GRM3: variants seen among roughly 807,000 people sequenced by gnomAD.
GRM3 encodes the protein metabotropic glutamate receptor 3.
In GRM3, 26 loss-of-function variants were observed where a neutral mutation model predicts 70.5. The ratio of observed to expected loss-of-function variants is 0.37; its 90% CI spans 0.27 to 0.51. The LOEUF is 0.51. Ranked by LOEUF, GRM3 falls within the 20% of genes least tolerant of loss-of-function variation. The pLI is 0.93. For missense variants in GRM3, 859 were observed against 1,123.8 expected, an observed-to-expected ratio of 0.76 and a Z score of 3.37; for synonymous variants, 443 against 434.9, an observed-to-expected ratio of 1.02 and a Z score of -0.23.
At chr7:86,722,574 G>T (rs1181413480) in intron 1 of GRM3, among the ~76,000 whole-genome samples, 1 of 138,952 alleles carries the variant, frequency 7.2e-6, no homozygotes, top group African/African-American at 2.6e-5. Context: ...GACATGGAAG[G>T]CAGGGGGGCA....
rs774266273 is a variant in GRM3, at chr7:86,765,162, G to A, written c.17G>A (p.Arg6Lys). The A allele has an allele frequency of 1.9e-6, 3 of 1,582,862 alleles. No homozygotes were observed. The highest frequency in any genetic ancestry group is 1.4e-5 in the African/African-American group (1 of 73,092). MKMLT[R>K]LQVLTLALFS... is the part of the protein sequence containing the mutation. ...ACAGGATTCATGAAGATGTTGACAA[G>A]ACTGCAAGTTCTTACCTTAGCTTTG... Residue 6 changes from arginine to lysine, a missense_variant, in exon 2 of 6, where the codon AGA (arginine) becomes AAA (lysine). Coordinates refer to ENST00000361669, the MANE Select transcript of GRM3 (RefSeq NM_000840.3).
At chr7:86,753,377 G>A (rs544711003) in intron 1 of GRM3, among the ~76,000 whole-genome samples, 1 of 152,274 alleles carries the variant, frequency 6.6e-6, no homozygotes, top group East Asian at 1.9e-4. Flanking sequence ...CTGACATCAT[G>A]AAGTAGATTC....
chr7:86,714,282 A>G (rs892958958), intron 1 of GRM3, among the ~76,000 whole-genome samples: 1 of 152,018 alleles, frequency 6.6e-6, no homozygotes, highest in Admixed American at 6.6e-5. Context: ...TGATGTAACT[A>G]TACACTTTTT....
At chr7:86,788,964 C>A (rs1025369913) in intron 3 of GRM3, among the ~76,000 whole-genome samples, 5 of 152,122 alleles carry the variant, frequency 3.3e-5, no homozygotes, top group South Asian at 4.1e-4. Context: ...TTTATGGAAC[C>A]AAAACATGTT....
chr7:86,746,544 T>C (rs1469310548), intron 1 of GRM3, among the ~76,000 whole-genome samples: 1 of 151,520 alleles, frequency 6.6e-6, no homozygotes, highest in Non-Finnish European at 1.5e-5. Context: ...TCAACACCTT[T>C]ATTCTACAAA....
intron 3 of GRM3, among the ~76,000 whole-genome samples, chr7:86,820,824 A>G (rs973679679): frequency 6.6e-6 from 1 of 152,180 alleles, no homozygotes; most frequent in African/African-American, 2.4e-5. Flanking sequence ...GCTTCTTGAG[A>G]CTGGCAACAA....
At chr7:86,711,108 C>A (rs1044352976) in intron 1 of GRM3, among the ~76,000 whole-genome samples, 2 of 151,856 alleles carry the variant, frequency 1.3e-5, no homozygotes, top group Non-Finnish European at 2.9e-5. Context: ...AAAGTAGGGA[C>A]CATAATAAAA....
chr7:86,731,293 G>T (rs1046513971), intron 1 of GRM3, among the ~76,000 whole-genome samples: 1 of 151,964 alleles, frequency 6.6e-6, no homozygotes, highest in East Asian at 1.9e-4. Context: ...TAGTCACCTG[G>T]GTTTAAATCC....
At chr7:86,793,016 CTTTTTTTTT>C (rs140134217) in intron 3 of GRM3, among the ~76,000 whole-genome samples, 1 of 94,362 alleles carries the variant, frequency 1.1e-5, no homozygotes, top group African/African-American at 4.5e-5. Context: ...GGTTGGTTGC[CTTTTTTTTT>C]TTTTTTTTTT....
At chr7:86,690,584 T>C (rs1272845497) in intron 1 of GRM3, among the ~76,000 whole-genome samples, 2 of 152,048 alleles carry the variant, frequency 1.3e-5, no homozygotes, top group Non-Finnish European at 2.9e-5. Flanking sequence ...TACTTATGTA[T>C]TGTGTATAAG....
At chr7:86,809,218 CAGTT>C (rs571242186) in intron 3 of GRM3, among the ~76,000 whole-genome samples, 4 of 152,064 alleles carry the variant, frequency 2.6e-5, no homozygotes, top group Non-Finnish European at 5.9e-5. Context: ...AAATTAAGCA[CAGTT>C]AAAGTTACTT....
At chr7:86,717,102 T>A (rs1795335294) in intron 1 of GRM3, among the ~76,000 whole-genome samples, 2 of 151,996 alleles carry the variant, frequency 1.3e-5, no homozygotes, top group African/African-American at 4.8e-5. Flanking sequence ...TGTTCAAATA[T>A]AAAATGTTAG....
In GRM3 at chr7:86,786,733, A is replaced by G. The variant is rs1797258919; in HGVS notation, c.941A>G (p.Glu314Gly). The part of the protein sequence containing the change: ...GAQESIIKGS[E>G]HVAYGAITLE... ...CAGGAGAGCATCATCAAGGGCAGCG[A>G]GCATGTGGCCTACGGCGCCATCACC... The change falls in exon 3 of 6, where the codon GAG becomes GGG. Residue 314 changes from glutamate to glycine, a missense_variant. Physicochemically the swap from Glu to Gly is moderately conservative, Grantham distance 98. Coordinates refer to ENST00000361669, the MANE Select transcript of GRM3 (RefSeq NM_000840.3). The surrounding 1 kb of genome is among the most constrained non-coding windows in gnomAD (Gnocchi z 6.0). 1.9e-6 allele frequency: 3 copies of G among 1,613,564 alleles called. No individual in the cohort carries two copies. The East Asian group carries it at 6.7e-5, about 36-fold the overall frequency.
intron 1 of GRM3, among the ~76,000 whole-genome samples, chr7:86,763,200 G>A (rs1369767317): frequency 6.6e-6 from 1 of 151,976 alleles, no homozygotes; most frequent in Non-Finnish European, 1.5e-5. Flanking sequence ...CAGCTAGGAG[G>A]GCCCTTCCTT....
chr7:86,781,161 T>C (rs1392256560), intron 2 of GRM3, among the ~76,000 whole-genome samples: 2 of 152,068 alleles, frequency 1.3e-5, no homozygotes, highest in Non-Finnish European at 2.9e-5. Context: ...AAAACACATC[T>C]GCAACAATTA....
intron 3 of GRM3, among the ~76,000 whole-genome samples, chr7:86,801,980 T>A (rs1300826956): frequency 6.6e-6 from 1 of 152,208 alleles, no homozygotes; most frequent in Non-Finnish European, 1.5e-5. Context: ...CCTTGGTCTA[T>A]CATTTTCACC....
chr7:86,753,622 C>T (rs911065905), intron 1 of GRM3, among the ~76,000 whole-genome samples: 3 of 151,936 alleles, frequency 2.0e-5, no homozygotes, highest in Non-Finnish European at 2.9e-5. Flanking sequence ...TTAAAATGCT[C>T]GCTGTGATTT....
At chr7:86,717,761 G>T (rs1305076346) in intron 1 of GRM3, among the ~76,000 whole-genome samples, 1 of 151,954 alleles carries the variant, frequency 6.6e-6, no homozygotes, top group Non-Finnish European at 1.5e-5. Flanking sequence ...TAAGTGAAAA[G>T]ATGGGCATCG....
intron 1 of GRM3, among the ~76,000 whole-genome samples, chr7:86,723,972 G>T (rs1018166261): frequency 2.0e-5 from 3 of 152,120 alleles, no homozygotes; most frequent in Admixed American, 6.6e-5. Context: ...AGCACTGCAG[G>T]CTCATTAACT....
Sources: allele counts gnomAD v4.1 joint callset (sites outside exome capture counted in the v4.1 genomes callset), GRCh38; gene constraint gnomAD v4.1.1; non-coding constraint Gnocchi (gnomAD v3.1); transcripts MANE v1.5; gene names NCBI Gene and HGNC (gene_info 2026-07-23, HGNC 2026-07-21).